Variants in RBM47 observed in about 807,000 individuals in gnomAD.
RBM47 encodes RNA-binding protein 47.
A neutral mutation model predicts 47.1 loss-of-function variants in RBM47; 21 were observed. That is an observed-to-expected ratio of 0.45 (90% CI 0.32 to 0.64). The LOEUF (loss-of-function observed/expected upper bound fraction) is 0.64. RBM47 is among the 30% of genes least tolerant of loss of function. RBM47 has a pLI of 0.05. For missense variants in RBM47, 708 were observed against 870.9 expected (o/e 0.81, Z 2.35); for synonymous variants, 375 against 361.7 (o/e 1.04, Z -0.42).
intron 2 of RBM47, among the ~76,000 whole-genome samples, chr4:40,529,007 A>G (rs71608036): frequency 1.3e-5 from 2 of 151,838 alleles, no homozygotes; most frequent in Non-Finnish European, 2.9e-5. Flanking sequence ...AAATAATAAA[A>G]CAGGGCCATC....
chr4:40,490,320 T>C (rs141845722), intron 2 of RBM47, among the ~76,000 whole-genome samples: 1 of 151,484 alleles, frequency 6.6e-6, no homozygotes, highest in Non-Finnish European at 1.5e-5. Context: ...AGAAAGGGGA[T>C]CCATATGGGA....
At chr4:40,521,744 C>G (rs978561786) in intron 2 of RBM47, among the ~76,000 whole-genome samples, 1 of 152,142 alleles carries the variant, frequency 6.6e-6, no homozygotes, top group Admixed American at 6.5e-5. Flanking sequence ...AAGAACACAA[C>G]AGACAGTATT....
chr4:40,533,397 G>A (rs1458500799), intron 2 of RBM47, among the ~76,000 whole-genome samples: 2 of 148,588 alleles, frequency 1.3e-5, no homozygotes, highest in East Asian at 4.0e-4. Context: ...CCGCACCACT[G>A]CACTCCAGCC....
intron 2 of RBM47, among the ~76,000 whole-genome samples, chr4:40,533,437 A>AG (rs903750874): frequency 6.6e-6 from 1 of 150,468 alleles, no homozygotes; most frequent in South Asian, 2.1e-4. Context: ...CTGTCTCAAA[A>AG]GAAAAAAAAA....
intron 3 of RBM47, among the ~76,000 whole-genome samples, chr4:40,464,889 T>C: frequency 6.9e-5 from 1 of 14,584 alleles, no homozygotes; most frequent in Non-Finnish European, 1.3e-4. Context: ...AGACTCTGTC[T>C]CAAAAAAAAA....
At chr4:40,589,272 G>T (rs1450941788) in intron 1 of RBM47, among the ~76,000 whole-genome samples, 5 of 151,692 alleles carry the variant, frequency 3.3e-5, no homozygotes, top group Non-Finnish European at 7.4e-5. Flanking sequence ...CCGGCCCAAA[G>T]GTTTCTTTTT....
chr4:40,457,292 G>A (rs946194745), intron 3 of RBM47, among the ~76,000 whole-genome samples: 2 of 151,560 alleles, frequency 1.3e-5, no homozygotes, highest in African/African-American at 2.4e-5. Flanking sequence ...GTGGTGGCCT[G>A]GTGCCTGTAA....
At chr4:40,460,452 A>G (rs1056108328) in intron 3 of RBM47, among the ~76,000 whole-genome samples, 2 of 152,200 alleles carry the variant, frequency 1.3e-5, no homozygotes, top group African/African-American at 4.8e-5. Flanking sequence ...GTTCAATACC[A>G]TTTATTAACT....
intron 1 of RBM47, among the ~76,000 whole-genome samples, chr4:40,577,142 T>C (rs1185390728): frequency 7.9e-5 from 12 of 152,338 alleles, no homozygotes; most frequent in Non-Finnish European, 1.6e-4. Context: ...GAGTCAATCA[T>C]GAACACATGA....
chr4:40,547,761 T>C (rs1044496473), intron 1 of RBM47, among the ~76,000 whole-genome samples: 1 of 152,202 alleles, frequency 6.6e-6, no homozygotes, highest in Non-Finnish European at 1.5e-5. Flanking sequence ...CTTAAAATAC[T>C]ATGAGGCCAT....
intron 2 of RBM47, among the ~76,000 whole-genome samples, chr4:40,499,920 T>G (rs911720438): frequency 6.6e-6 from 1 of 152,226 alleles, no homozygotes; most frequent in Non-Finnish European, 1.5e-5. Context: ...TATAAACTTT[T>G]TTTAGCATAA....
intron 3 of RBM47, among the ~76,000 whole-genome samples, chr4:40,450,804 G>C (rs1017133241): frequency 6.6e-6 from 1 of 151,988 alleles, no homozygotes; most frequent in African/African-American, 2.4e-5. Context: ...CTACCCACTA[G>C]ATGCAAAAGC....
At chr4:40,437,159 T>TATATATATATAATACATATATATAATAC (rs1560357740) in intron 4 of RBM47, among the ~76,000 whole-genome samples, 1 of 6,332 alleles carries the variant, frequency 1.6e-4, no homozygotes, top group Non-Finnish European at 7.1e-4. Context: ...ATAAAATACA[T>TATATATATATAATACATATATATAATAC]ATATATATAT....
At chr4:40,607,433 A>G (rs912133569) in intron 1 of RBM47, among the ~76,000 whole-genome samples, 6 of 152,220 alleles carry the variant, frequency 3.9e-5, no homozygotes, top group African/African-American at 1.4e-4. Flanking sequence ...AGGGCGGAGC[A>G]TGGTGATTCA....
chr4:40,610,821 CTGAGGGGTTTA>C (rs1736200283), intron 1 of RBM47, among the ~76,000 whole-genome samples: 1 of 152,036 alleles, frequency 6.6e-6, no homozygotes, highest in South Asian at 2.1e-4. Context: ...GTCACCAGAT[CTGAGGGGTTTA>C]TGAGGGGTTT....
intron 2 of RBM47, among the ~76,000 whole-genome samples, chr4:40,483,883 T>G (rs974997815): frequency 6.6e-6 from 1 of 152,238 alleles, no homozygotes; most frequent in African/African-American, 2.4e-5. Context: ...GAAATGTTTA[T>G]TCTTTTTACT....
chr4:40,431,963 G>T (rs1429659383), intron 6 of RBM47, among the ~76,000 whole-genome samples: 1 of 151,562 alleles, frequency 6.6e-6, no homozygotes, highest in Non-Finnish European at 1.5e-5. Flanking sequence ...TGGTCCTCCT[G>T]CCTCAGCCTC....
At chr4:40,483,125 G>A (rs566862450) in intron 2 of RBM47, among the ~76,000 whole-genome samples, 83 of 152,304 alleles carry the variant, frequency 5.4e-4, no homozygotes, top group African/African-American at 1.9e-3. Context: ...CAGTTTAGAC[G>A]GGATGCTAAA....
intron 2 of RBM47, among the ~76,000 whole-genome samples, chr4:40,529,498 A>G (rs910991125): frequency 6.0e-5 from 8 of 133,794 alleles, no homozygotes; most frequent in Admixed American, 3.1e-4. Context: ...CCTGGGTGAC[A>G]GAAGGAGACT....
Sources: allele counts gnomAD v4.1 joint callset (sites outside exome capture counted in the v4.1 genomes callset), GRCh38; gene constraint gnomAD v4.1.1; transcripts MANE v1.5; gene names NCBI Gene and HGNC (gene_info 2026-07-23, HGNC 2026-07-21).